PTPRR: variants seen among roughly 807,000 people sequenced by gnomAD.
PTPRR encodes protein tyrosine phosphatase receptor type R.
Under a neutral mutation model 77.2 loss-of-function variants are expected in PTPRR, and 38 were observed. The ratio of observed to expected loss-of-function variants is 0.49; its 90% CI spans 0.38 to 0.65. The LOEUF (loss-of-function observed/expected upper bound fraction) is 0.65. Among genes scored for constraint, PTPRR ranks in the 30% least tolerant of loss-of-function variants. The pLI, the probability that PTPRR is intolerant of heterozygous loss-of-function variation, is 0.00. For synonymous variants in PTPRR, 299 were observed against 283.1 expected (o/e 1.06, Z -0.57); for missense variants, 744 against 799.2 (o/e 0.93, Z 0.83).
intron 2 of PTPRR, among the ~76,000 whole-genome samples, chr12:70,807,899 A>T (rs1004244463): frequency 2.6e-5 from 4 of 152,176 alleles, no homozygotes; most frequent in African/African-American, 9.7e-5. Context: ...GCACCTTAAG[A>T]AGAGGATAAC....
intron 6 of PTPRR, among the ~76,000 whole-genome samples, chr12:70,729,622 A>G (rs969681963): frequency 1.3e-5 from 2 of 152,196 alleles, no homozygotes; most frequent in African/African-American, 4.8e-5. Context: ...GATTATAACT[A>G]TGCCCACCAT....
At chr12:70,885,772 T>C (rs1284278620) in intron 2 of PTPRR, among the ~76,000 whole-genome samples, 1 of 152,126 alleles carries the variant, frequency 6.6e-6, no homozygotes, top group African/African-American at 2.4e-5. Flanking sequence ...GACCACGTGA[T>C]CCACCAGCCT....
At chr12:70,719,808 G>A (rs1313691364) in intron 6 of PTPRR, among the ~76,000 whole-genome samples, 5 of 152,198 alleles carry the variant, frequency 3.3e-5, no homozygotes, top group South Asian at 2.1e-4. Context: ...GCTGCTCCAC[G>A]TCAGCTTTAG....
intron 2 of PTPRR, among the ~76,000 whole-genome samples, chr12:70,837,361 A>G (rs1892322317): frequency 6.6e-6 from 1 of 152,138 alleles, no homozygotes; most frequent in Non-Finnish European, 1.5e-5. Context: ...GATAAGCACT[A>G]ATCAGCTAGT....
intron 2 of PTPRR, among the ~76,000 whole-genome samples, chr12:70,849,278 A>G (rs1892535726): frequency 6.6e-6 from 1 of 152,212 alleles, no homozygotes; most frequent in Admixed American, 6.5e-5. Context: ...ACAGCTGACC[A>G]GAAGTAGACT....
chr12:70,686,660 G>A (rs1279122015), intron 8 of PTPRR, among the ~76,000 whole-genome samples: 1 of 152,050 alleles, frequency 6.6e-6, no homozygotes, highest in Non-Finnish European at 1.5e-5. Context: ...TATTTTGAGG[G>A]CACTCAAGCA....
At chr12:70,890,481 G>T (rs1414380632) in intron 2 of PTPRR, among the ~76,000 whole-genome samples, 2 of 152,074 alleles carry the variant, frequency 1.3e-5, no homozygotes, top group African/African-American at 4.8e-5. Flanking sequence ...CATTGCCAAT[G>T]ATAGTTGAAA....
intron 6 of PTPRR, among the ~76,000 whole-genome samples, chr12:70,713,384 A>G (rs781177015): frequency 3.5e-4 from 54 of 152,130 alleles, no homozygotes; most frequent in Non-Finnish European, 7.5e-4. Context: ...GCATGAACAT[A>G]TGTTTTCATT....
At chr12:70,844,111 C>T (rs542715388) in intron 2 of PTPRR, among the ~76,000 whole-genome samples, 50 of 151,680 alleles carry the variant, frequency 3.3e-4, no homozygotes, top group African/African-American at 8.2e-4. Flanking sequence ...TCACCATGCC[C>T]GGCTTAAAAA....
chr12:70,774,192 T>A (rs1891041848), intron 2 of PTPRR, among the ~76,000 whole-genome samples: 1 of 152,216 alleles, frequency 6.6e-6, no homozygotes, highest in African/African-American at 2.4e-5. Context: ...GTAACCTCTG[T>A]CTCACCAGCA....
chr12:70,788,962 G>A (rs1891377305), intron 2 of PTPRR: 3 of 1,277,014 alleles, frequency 2.3e-6, no homozygotes, highest in Non-Finnish European at 3.1e-6. Context: ...GTCACCTGGA[G>A]GTAACCGCCT....
chr12:70,641,392 T>G (rs1179807454), intron 13 of PTPRR, among the ~76,000 whole-genome samples: 7 of 152,376 alleles, frequency 4.6e-5, no homozygotes, highest in African/African-American at 1.7e-4. Flanking sequence ...GGTATTTACA[T>G]GTCCAACTGG....
intron 1 of PTPRR, among the ~76,000 whole-genome samples, chr12:70,909,990 A>T (rs1268073955): frequency 6.6e-6 from 1 of 152,194 alleles, no homozygotes; most frequent in Non-Finnish European, 1.5e-5. Context: ...GTATTTTAAA[A>T]ATTGGGACAT....
intron 10 of PTPRR, among the ~76,000 whole-genome samples, chr12:70,666,955 T>G (rs1301273152): frequency 9.2e-5 from 9 of 98,084 alleles, no homozygotes; most frequent in East Asian, 4.4e-4. Flanking sequence ...TTTTTTTTTT[T>G]TTTTTTTTTT....
intron 2 of PTPRR, among the ~76,000 whole-genome samples, chr12:70,829,846 A>G (rs1035039505): frequency 2.6e-5 from 4 of 152,174 alleles, no homozygotes; most frequent in African/African-American, 9.7e-5. Context: ...AGAACTAGAA[A>G]TGATTTTCTA....
At chr12:70,898,957 A>G (rs1312569800) in intron 1 of PTPRR, among the ~76,000 whole-genome samples, 1 of 151,502 alleles carries the variant, frequency 6.6e-6, no homozygotes, top group Non-Finnish European at 1.5e-5. Context: ...TCCTCTACAA[A>G]TAAATTCAAC....
intron 10 of PTPRR, among the ~76,000 whole-genome samples, chr12:70,665,439 T>C (rs1886955094): frequency 7.6e-6 from 1 of 130,976 alleles, no homozygotes; most frequent in Non-Finnish European, 1.6e-5. Context: ...TGGAGTGCAG[T>C]GGCACAATGT....
chr12:70,711,785 T>G (rs896862642), intron 6 of PTPRR, among the ~76,000 whole-genome samples: 8 of 152,174 alleles, frequency 5.3e-5, no homozygotes, highest in African/African-American at 7.2e-5. Flanking sequence ...AGATTCTAGA[T>G]TCCATCTCAG....
intron 2 of PTPRR, among the ~76,000 whole-genome samples, chr12:70,847,265 G>A (rs1370144780): frequency 2.0e-5 from 3 of 152,166 alleles, no homozygotes; most frequent in Non-Finnish European, 4.4e-5. Context: ...CACTTTGCCT[G>A]GCTTGGAGTA....
Sources: gnomAD v4.1 joint callset for allele counts (sites outside exome capture counted in the v4.1 genomes callset) on GRCh38, gnomAD v4.1.1 for gene constraint, MANE v1.5 for transcripts, NCBI Gene and HGNC (gene_info 2026-07-23, HGNC 2026-07-21) for gene names.